The following CDH13 variants were observed in gnomAD, a reference collection of about 807,000 sequenced individuals.
The protein encoded by CDH13 is cadherin-13.
Under a neutral mutation model 63.8 loss-of-function variants are expected in CDH13, and 24 were observed. The ratio of observed to expected loss-of-function variants is 0.38; its 90% CI spans 0.27 to 0.53. The LOEUF (loss-of-function observed/expected upper bound fraction) is 0.53, where lower values mean the gene tolerates loss of function less well. Among genes scored for constraint, CDH13 ranks in the 20% least tolerant of loss-of-function variants. The pLI, the probability that CDH13 is intolerant of heterozygous loss-of-function variation, is 0.85. For synonymous variants in CDH13, 503 were observed against 355.3 expected, an observed-to-expected ratio of 1.42 and a Z score of -4.67; for missense variants, 1,049 against 903.1, an observed-to-expected ratio of 1.16 and a Z score of -2.07.
chr16:83,151,943 CA>C (rs10645879), intron 4 of CDH13, among the ~76,000 whole-genome samples: 32 of 98,620 alleles, frequency 3.2e-4, no homozygotes, highest in African/African-American at 5.7e-4. Flanking sequence ...GCCTGGGCAA[CA>C]AAAAAAAAAG....
intron 5 of CDH13, among the ~76,000 whole-genome samples, chr16:83,237,261 C>T (rs1011122499): frequency 2.0e-5 from 3 of 152,184 alleles, no homozygotes; most frequent in Non-Finnish European, 4.4e-5. Context: ...TGGGCACCCA[C>T]CCCATGGTGA....
chr16:83,677,837 A>C (rs777680574), intron 9 of CDH13, among the ~76,000 whole-genome samples: 1 of 152,048 alleles, frequency 6.6e-6, no homozygotes, highest in Non-Finnish European at 1.5e-5. Context: ...AGGCATCACC[A>C]TTGCCAGGGA....
intron 1 of CDH13, among the ~76,000 whole-genome samples, chr16:82,745,629 G>A (rs2034127774): frequency 6.6e-6 from 1 of 152,048 alleles, no homozygotes; most frequent in Non-Finnish European, 1.5e-5. Context: ...TGTACCATAT[G>A]TATGTGGTTC....
chr16:82,828,930 A>T (rs1053702362), intron 1 of CDH13, among the ~76,000 whole-genome samples: 1 of 152,142 alleles, frequency 6.6e-6, no homozygotes, highest in African/African-American at 2.4e-5. Context: ...CCAAGGGACA[A>T]TTGTGCTAAC....
At chr16:83,581,064 C>A (rs751701866) in intron 7 of CDH13, among the ~76,000 whole-genome samples, 2 of 152,094 alleles carry the variant, frequency 1.3e-5, no homozygotes, top group Non-Finnish European at 1.5e-5. Flanking sequence ...AAAATCCTAG[C>A]CTTTGGTTTT....
intron 3 of CDH13, among the ~76,000 whole-genome samples, chr16:83,051,460 A>G (rs1050164968): frequency 2.0e-5 from 3 of 152,244 alleles, no homozygotes; most frequent in African/African-American, 7.2e-5. Context: ...CTAGATACCA[A>G]TAGGTAAACC....
At chr16:83,429,070 C>G (rs903264192) in intron 6 of CDH13, among the ~76,000 whole-genome samples, 2 of 152,178 alleles carry the variant, frequency 1.3e-5, no homozygotes, top group Non-Finnish European at 1.5e-5. Context: ...AGAGGAAAGC[C>G]TTATCCTTTG....
intron 6 of CDH13, among the ~76,000 whole-genome samples, chr16:83,397,712 A>G (rs546515198): frequency 3.3e-5 from 5 of 152,318 alleles, no homozygotes; most frequent in African/African-American, 7.2e-5. Context: ...GAAAGTAAAG[A>G]TGGAGTTGTT....
At chr16:83,167,062 C>A (rs1214494830) in intron 4 of CDH13, among the ~76,000 whole-genome samples, 1 of 152,022 alleles carries the variant, frequency 6.6e-6, no homozygotes, top group Non-Finnish European at 1.5e-5. Flanking sequence ...TAAGAAAACA[C>A]GGCAGATTTC....
intron 1 of CDH13, among the ~76,000 whole-genome samples, chr16:82,805,069 C>T (rs1234833010): frequency 6.6e-6 from 1 of 152,090 alleles, no homozygotes; most frequent in Non-Finnish European, 1.5e-5. Flanking sequence ...GTTAAGTATC[C>T]CGGGTTTGTT....
chr16:83,040,570 C>CA (rs768380696), intron 3 of CDH13, among the ~76,000 whole-genome samples: 255 of 152,336 alleles, frequency 1.7e-3, no homozygotes, highest in Non-Finnish European at 2.9e-3. Context: ...GCCAGAGACT[C>CA]AGCCAGTCTG....
At chr16:83,473,614 A>G (rs1417212679) in intron 6 of CDH13, among the ~76,000 whole-genome samples, 2 of 152,182 alleles carry the variant, frequency 1.3e-5, no homozygotes, top group South Asian at 2.1e-4. Flanking sequence ...TTCTGGACCT[A>G]GCCTAAAGAT....
intron 1 of CDH13, among the ~76,000 whole-genome samples, chr16:82,689,657 T>C (rs528884451): frequency 3.3e-5 from 5 of 152,260 alleles, no homozygotes; most frequent in African/African-American, 1.2e-4. Context: ...ATCAGGATCA[T>C]GGATGTGCAT....
At chr16:83,648,081 G>T (rs567712903) in intron 8 of CDH13, among the ~76,000 whole-genome samples, 2 of 152,132 alleles carry the variant, frequency 1.3e-5, no homozygotes, top group South Asian at 4.1e-4. Context: ...TTCCCTCAAG[G>T]TGTGTTTGAA....
At chr16:83,270,884 C>G (rs1567553604) in intron 5 of CDH13, among the ~76,000 whole-genome samples, 2 of 150,728 alleles carry the variant, frequency 1.3e-5, no homozygotes. Flanking sequence ...CCTTCCCTCC[C>G]TCCCTCCCTT....
chr16:83,008,488 G>A (rs1379923471), intron 2 of CDH13, among the ~76,000 whole-genome samples: 1 of 152,208 alleles, frequency 6.6e-6, no homozygotes, highest in Non-Finnish European at 1.5e-5. Flanking sequence ...CTGAGTGAGG[G>A]TGAGAGTAGC....
chr16:83,144,838 G>A (rs1049898508), intron 4 of CDH13, among the ~76,000 whole-genome samples: 7 of 152,328 alleles, frequency 4.6e-5, no homozygotes, highest in Middle Eastern at 3.4e-3. Context: ...TTGCAAAAGC[G>A]TTCATGGAAA....
At chr16:83,482,833 G>C (rs1355219144) in intron 6 of CDH13, among the ~76,000 whole-genome samples, 2 of 152,190 alleles carry the variant, frequency 1.3e-5, no homozygotes, top group Non-Finnish European at 2.9e-5. Context: ...GGTGGGAGAA[G>C]GGACCCGGTG....
intron 4 of CDH13, among the ~76,000 whole-genome samples, chr16:83,182,122 A>G (rs1361803264): frequency 6.6e-6 from 1 of 152,166 alleles, no homozygotes; most frequent in Non-Finnish European, 1.5e-5. Context: ...TATTTTATGG[A>G]GGTCCTTAAA....
Sources: allele counts gnomAD v4.1 joint callset (sites outside exome capture counted in the v4.1 genomes callset), GRCh38; gene constraint gnomAD v4.1.1; transcripts MANE v1.5; gene names NCBI Gene and HGNC (gene_info 2026-07-23, HGNC 2026-07-21).